P4HA3: variants seen among roughly 807,000 people sequenced by gnomAD.
P4HA3 encodes the protein prolyl 4-hydroxylase subunit alpha 3.
In P4HA3, 60 loss-of-function variants were observed where a neutral mutation model predicts 66.7. That is an observed-to-expected ratio of 0.90 (90% CI 0.73 to 1.12). P4HA3 has a LOEUF of 1.12. Ranked by LOEUF, P4HA3 falls within the 50% of genes most tolerant of loss-of-function variation. The pLI, the probability that P4HA3 is intolerant of heterozygous loss-of-function variation, is 0.00. For missense variants in P4HA3, 683 were observed against 685.8 expected, an observed-to-expected ratio of 1.00 and a Z score of 0.05; for synonymous variants, 263 against 274.6, an observed-to-expected ratio of 0.96 and a Z score of 0.42.
chr11:74,267,362 C>T (rs1860024942), intron 12 of P4HA3, 44 bp from the exon 13 acceptor site: 6 of 1,607,084 alleles, frequency 3.7e-6, no homozygotes, highest in East Asian at 2.2e-5. Context: ...CTCAGCAGAA[C>T]AGACAGCAGC....
intron 14 of P4HA3, among the ~76,000 whole-genome samples, chr11:74,260,917 T>C (rs767530163): frequency 6.6e-4 from 100 of 152,108 alleles, no homozygotes; most frequent in Admixed American, 3.0e-3. Flanking sequence ...CTCACGACTT[T>C]GGTAATGACA....
At chr11:74,308,409 G>C in intron 1 of P4HA3, among the ~76,000 whole-genome samples, 1 of 152,114 alleles carries the variant, frequency 6.6e-6, no homozygotes, top group East Asian at 1.9e-4. Context: ...GCATGGTGGT[G>C]TGCACCCGTA....
rs17132873 is a variant in P4HA3 at position 74,251,402 on chromosome 11, G to A, written c.*1319-3401C>T. ...TGAGAAAACACCATTCTGTAACTCT[G>A]AGGGCACACATAAGCCCTTCACGTC... On this transcript the variant is annotated intron_variant and NMD_transcript_variant, in intron 15 of 15. Coordinates refer to the P4HA3 transcript ENST00000524388. 0.017 allele frequency: 23,703 copies of A among 1,372,416 alleles called. 1,897 individuals are homozygous for A. In the African/African-American group the frequency reaches 0.23, roughly 13 times the overall value. 85.0% of individuals were successfully genotyped at this position (1,372,416 alleles called of 1,614,324 possible). A position where few individuals can be genotyped will look rare whatever the true frequency, so the allele number is the denominator to read the frequency against.
chr11:74,250,924 T>C (rs1367290352), intron 15 of P4HA3: 26 of 1,561,924 alleles, frequency 1.7e-5, no homozygotes, highest in Non-Finnish European at 2.3e-5. Flanking sequence ...TTTTAGTCGC[T>C]GAAGTTGCCT....
At chr11:74,251,670 T>G in intron 15 of P4HA3, 1 of 1,613,868 alleles carries the variant, frequency 6.2e-7, no homozygotes, top group Non-Finnish European at 8.5e-7. Flanking sequence ...GTTGCCACTT[T>G]CCTGATCCGG....
At chr11:74,253,606 C>A in intron 15 of P4HA3, 1 of 1,390,632 alleles carries the variant, frequency 7.2e-7, no homozygotes, top group Non-Finnish European at 1.0e-6. Context: ...CCATCCCGCC[C>A]AGCCATGTGA....
chr11:74,298,064 T>C (rs1861283692), intron 4 of P4HA3, 148 bp downstream of exon 4: 2 of 922,714 alleles, frequency 2.2e-6, no homozygotes, highest in Non-Finnish European at 3.1e-6. Context: ...TATATGGAAA[T>C]GATAAAATAA....
In P4HA3 at chr11:74,267,107, C is replaced by T. The variant is rs1191684461; in HGVS notation, c.*141G>A. 4 of 1,544,210 alleles carry T rather than the reference C, an allele frequency of 2.6e-6. No homozygotes were observed. The highest frequency in any genetic ancestry group is 2.4e-5 in the East Asian group (1 of 41,838). On this transcript the variant is annotated 3_prime_UTR_variant, in exon 13 of 13. Coordinates refer to ENST00000331597, the MANE Select transcript of P4HA3 (RefSeq NM_182904.5). ...CCCCTGGTAACAACCTCTCCCTTGC[C>T]TCTGATTTGCGAGGCACAGACAAAG...
rs1860061913 is a variant in P4HA3 at position 74,268,249 on chromosome 11, A to G, written c.1468-8T>C. 3 of 1,611,638 alleles carry G rather than the reference A, an allele frequency of 1.9e-6. No individual in the cohort carries two copies. The highest frequency in any genetic ancestry group is 2.2e-5 in the South Asian group (2 of 90,826). On this transcript the variant is annotated splice_polypyrimidine_tract_variant and splice_region_variant and intron_variant, in intron 11 of 12. Coordinates refer to ENST00000331597, the MANE Select transcript of P4HA3 (RefSeq NM_182904.5). ...CCAAAACAGTGCTGCATTCTGAAACAAGAGGGCCCAGCCCCAGGGAGGGTC... is the reference window on the plus strand; with the variant it reads ...CCAAAACAGTGCTGCATTCTGAAACGAGAGGGCCCAGCCCCAGGGAGGGTC...
chr11:74,273,520 G>GT, intron 10 of P4HA3, 25 bp downstream of exon 10: 1 of 1,478,562 alleles, frequency 6.8e-7, no homozygotes, highest in Non-Finnish European at 9.0e-7. Context: ...CAGTCATGAA[G>GT]TAAGAAGCCC....
chr11:74,311,565 A>AG lies in P4HA3; in HGVS notation c.46dup (p.Leu16ProfsTer52). ...AGCCCTTTCTGGGTCTCCTGTCCCG[A>AG]GCGCCAGCACCGCCAGCAGCGCCGC... is the stretch of plus-strand genomic sequence containing the variant. On this transcript the variant is annotated frameshift_variant, in exon 1 of 13. Transcript: ENST00000331597. LOFTEE classifies it high-confidence loss of function. 1.3e-6 allele frequency: 2 copies of AG among 1,538,374 alleles called. No homozygotes were observed. The highest frequency in any genetic ancestry group is 2.4e-5 in the South Asian group (2 of 83,586).
chr11:74,309,479 C>T (rs1053222649), intron 1 of P4HA3, among the ~76,000 whole-genome samples: 1 of 152,078 alleles, frequency 6.6e-6, no homozygotes, highest in Non-Finnish European at 1.5e-5. Context: ...GGGATTTTGA[C>T]CCCCCACTCC....
chr11:74,309,511 A>G (rs528486956), intron 1 of P4HA3, among the ~76,000 whole-genome samples: 5 of 152,292 alleles, frequency 3.3e-5, no homozygotes, highest in African/African-American at 1.2e-4. Context: ...GAGCTACCCA[A>G]AGAGATTACT....
Position 74,285,942 on chromosome 11 carries a change from G to T in P4HA3, c.977C>A (p.Thr326Asn). 2 of 1,611,166 alleles carry T rather than the reference G, an allele frequency of 1.2e-6. No individual in the cohort carries two copies. The highest frequency in any genetic ancestry group is 2.2e-5 in the South Asian group (2 of 91,004). ...GAGCAGCAGGTAGGCGTTGGAATTG[G>T]TCTCATAGGAACAGTAGAGGCTAGG... Reference protein sequence around the residue: ...QIPSLYCSYETNSNAYLLLQP... With the variant: ...QIPSLYCSYENNSNAYLLLQP... The change falls in exon 7 of 13, where the codon ACC becomes AAC. Residue 326 changes from threonine (T) to asparagine (N), a missense_variant. Transcript: ENST00000331597.
intron 4 of P4HA3, among the ~76,000 whole-genome samples, chr11:74,292,643 G>T (rs974492678): frequency 3.3e-5 from 5 of 152,086 alleles, no homozygotes; most frequent in South Asian, 4.2e-4. Context: ...CTGGTATGTT[G>T]TGTCTTTGTT....
chr11:74,257,039 AATAG>A (rs940421300), intron 15 of P4HA3, among the ~76,000 whole-genome samples: 15 of 152,330 alleles, frequency 9.8e-5, no homozygotes, highest in African/African-American at 3.4e-4. Context: ...CAGTGATAGA[AATAG>A]TGACCACGTT....
chr11:74,264,739 C>T (rs1859962958), downstream of P4HA3, among the ~76,000 whole-genome samples: 1 of 152,248 alleles, frequency 6.6e-6, no homozygotes, highest in Non-Finnish European at 1.5e-5. Context: ...CTGCATGCAA[C>T]ATTTTCACAT....
chr11:74,287,044 C>T (rs1860824785), intron 5 of P4HA3: 1 of 1,085,480 alleles, frequency 9.2e-7, no homozygotes, highest in African/African-American at 1.7e-5. Context: ...GGACTCTAGA[C>T]TTTGGCTCTA....
intron 15 of P4HA3, chr11:74,251,264 T>C: frequency 2.2e-6 from 3 of 1,371,972 alleles, no homozygotes; most frequent in Non-Finnish European, 2.8e-6. Flanking sequence ...GTTAAGATCT[T>C]AAGCTCTACT....
Sources: gnomAD v4.1 joint callset for allele counts (sites outside exome capture counted in the v4.1 genomes callset) on GRCh38, gnomAD v4.1.1 for gene constraint, MANE v1.5 for transcripts, NCBI Gene and HGNC (gene_info 2026-07-23, HGNC 2026-07-21) for gene names.